The following KL variants were observed in gnomAD, a reference collection of about 807,000 sequenced individuals.
The protein encoded by KL is alpha-klotho.
In KL, 62 loss-of-function variants were observed where a neutral mutation model predicts 84.2. That is an observed-to-expected ratio of 0.74 (90% confidence interval 0.60 to 0.91). The LOEUF is 0.91. KL is among the 40% of genes least tolerant of loss of function. The pLI is 0.00. For synonymous variants in KL, 528 were observed against 528.0 expected (o/e 1.00, Z 0.00); for missense variants, 1,261 against 1,305.7 (o/e 0.97, Z 0.53).
intron 4 of KL, 35 bp from the exon 5 acceptor site, chr13:33,063,814 G>C (rs759027212): frequency 6.4e-7 from 1 of 1,564,242 alleles, no homozygotes; most frequent in East Asian, 2.2e-5. Flanking sequence ...TGCAAAATAC[G>C]TAATAACTAC....
chr13:33,016,722 C>T lies in KL; in HGVS notation c.282C>T (p.Thr94=), dbSNP rs1209347405. ...GTGCGTCCATCTGGGATACGTTCAC[C>T]CACCACCCCCTGGCACCCCCGGGAG... ...GKGASIWDTF[T]HHPLAPPGDS... is the part of the protein sequence containing the mutation. The change falls in exon 1 of 5, where the codon ACC becomes ACT. Residue 94 remains threonine, a synonymous_variant. Transcript: ENST00000380099. The T allele has an allele frequency of 1.9e-6, 3 of 1,610,926 alleles. No individual in the cohort carries two copies. The African/African-American group carries it at 4.0e-5, about 22-fold the overall frequency.
chr13:33,031,250 G>A (rs908182372), intron 1 of KL, among the ~76,000 whole-genome samples: 5 of 152,192 alleles, frequency 3.3e-5, no homozygotes, highest in African/African-American at 1.2e-4. Flanking sequence ...TATAGAAAAA[G>A]TATGGTTTCA....
At chr13:33,058,776 C>G (rs570095703) in intron 3 of KL, among the ~76,000 whole-genome samples, 1 of 152,032 alleles carries the variant, frequency 6.6e-6, no homozygotes, top group East Asian at 1.9e-4. Flanking sequence ...TGAATTTAGT[C>G]AACTCAGAGC....
rs1352661724 is a variant in KL at position 33,063,743 on chromosome 13, C to A, written c.2702-106C>A. ...AGTGAGTCAAGATGGTGCCATTGCA[C>A]TCCAGCCTGTGTGACAGAGCAAGAC... On this transcript the variant is annotated intron_variant, in intron 4 of 4. Coordinates refer to ENST00000380099, the MANE Select transcript of KL (RefSeq NM_004795.4). 4 of 1,026,022 alleles carry A rather than the reference C, an allele frequency of 3.9e-6. No individual in the cohort carries two copies. The East Asian group carries it at 9.5e-5, about 24-fold the overall frequency. The allele number at this position is 1,026,022 out of a possible 1,614,324, so 63.6% of individuals were successfully genotyped here. A position where few individuals can be genotyped will look rare whatever the true frequency, so the allele number is the denominator to read the frequency against.
At chr13:33,031,671 C>G (rs2138201822) in intron 1 of KL, among the ~76,000 whole-genome samples, 2 of 152,096 alleles carry the variant, frequency 1.3e-5, no homozygotes, top group Middle Eastern at 3.4e-3. Context: ...CCTCATTATC[C>G]TAATGAATTA....
intron 1 of KL, among the ~76,000 whole-genome samples, chr13:33,030,019 A>C (rs1043847956): frequency 6.6e-6 from 1 of 151,762 alleles, no homozygotes; most frequent in East Asian, 1.9e-4. Context: ...ATCTGGTGAG[A>C]GACTTCTTGC....
At chr13:33,032,467 T>A (rs866785653) in intron 1 of KL, among the ~76,000 whole-genome samples, 6 of 152,182 alleles carry the variant, frequency 3.9e-5, no homozygotes, top group South Asian at 2.1e-4. Flanking sequence ...GACCAGAGCA[T>A]CTCTGTTGGC....
At chr13:33,045,891 T>C (rs191036884) in intron 1 of KL, among the ~76,000 whole-genome samples, 122 of 152,348 alleles carry the variant, frequency 8.0e-4, no homozygotes, top group South Asian at 2.1e-4. Flanking sequence ...CCTGCGTTAA[T>C]TGAGATAATC....
In KL at chr13:33,016,618, A is replaced by T; in HGVS notation, c.178A>T (p.Thr60Ser). 6.5e-7 allele frequency: 1 copy of T among 1,541,500 alleles called. No individual in the cohort carries two copies. The highest frequency in any genetic ancestry group is 8.7e-7 in the Non-Finnish European group (1 of 1,142,908). The part of the protein sequence containing the change: ...APEAAGLFQG[T>S]FPDGFLWAVG... ...CGAGGCCGCGGGCCTCTTCCAGGGCACCTTCCCCGACGGCTTCCTCTGGGC... is the reference window on the plus strand; with the variant it reads ...CGAGGCCGCGGGCCTCTTCCAGGGCTCCTTCCCCGACGGCTTCCTCTGGGC... The change falls in exon 1 of 5, where the codon ACC becomes TCC. Residue 60 changes from threonine to serine, a missense_variant. Coordinates refer to ENST00000380099, the MANE Select transcript of KL (RefSeq NM_004795.4).
chr13:33,059,956 A>T (rs1478583366), intron 3 of KL, among the ~76,000 whole-genome samples: 2 of 152,068 alleles, frequency 1.3e-5, no homozygotes, highest in Non-Finnish European at 2.9e-5. Flanking sequence ...TACTTAACTC[A>T]CTCAGTTTTT....
At chr13:33,049,761 A>G (rs1203074264) in intron 1 of KL, among the ~76,000 whole-genome samples, 12 of 152,216 alleles carry the variant, frequency 7.9e-5, no homozygotes, top group Admixed American at 7.9e-4. Context: ...AGAGACTTTT[A>G]ATAACCATCA....
At chr13:33,029,790 T>A (rs1042058072) in intron 1 of KL, among the ~76,000 whole-genome samples, 1 of 152,148 alleles carries the variant, frequency 6.6e-6, no homozygotes, top group Non-Finnish European at 1.5e-5. Context: ...CCTGCCGCCA[T>A]GCCTGGCTAA....
At chr13:33,049,991 T>C (rs1871683317) in intron 1 of KL, among the ~76,000 whole-genome samples, 1 of 152,230 alleles carries the variant, frequency 6.6e-6, no homozygotes, top group South Asian at 2.1e-4. Context: ...TGCTATTTTA[T>C]AACCTTTTTC....
upstream of KL, chr13:33,016,381 G>A (rs1467474696): frequency 3.3e-5 from 6 of 180,992 alleles, 1 homozygote; most frequent in Non-Finnish European, 6.2e-5. Flanking sequence ...GGGCGGGCGC[G>A]GCGGGGCGCG....
intron 1 of KL, among the ~76,000 whole-genome samples, chr13:33,052,104 A>G (rs1871775817): frequency 6.6e-6 from 1 of 152,058 alleles, no homozygotes; most frequent in Non-Finnish European, 1.5e-5. Context: ...CTACAGGCAC[A>G]CAGCACCATG....
In KL at chr13:33,061,058, C is replaced by T. The variant is rs759976211; in HGVS notation, c.1979C>T (p.Pro660Leu). The change falls in exon 4 of 5, where the codon CCC becomes CTC. Residue 660 changes from proline to leucine, a missense_variant. By Grantham distance (98) the Pro-to-Leu change is moderately conservative. Transcript: ENST00000380099. ...GCCAGGCAGGGCGCCTGGGAGAACC[C>T]CTACACTGCCCTGGCCTTTGCAGAG... ...LLARQGAWEN[P>L]YTALAFAEYA... The T allele has an allele frequency of 1.2e-6, 2 of 1,612,482 alleles. No homozygotes were observed. The highest frequency in any genetic ancestry group is 2.2e-5 in the East Asian group (1 of 44,828).
chr13:33,018,678 A>G (rs1870460707), intron 1 of KL, among the ~76,000 whole-genome samples: 1 of 152,198 alleles, frequency 6.6e-6, no homozygotes, highest in African/African-American at 2.4e-5. Flanking sequence ...TAGAAAAACT[A>G]TGGGAAGAAT....
chr13:33,029,924 C>T (rs1361117386), intron 1 of KL, among the ~76,000 whole-genome samples: 5 of 144,890 alleles, frequency 3.5e-5, no homozygotes, highest in African/African-American at 5.0e-5. Flanking sequence ...TGAGCCACCG[C>T]GCCTGGCCCT....
chr13:33,021,087 C>T (rs1870559787), intron 1 of KL, among the ~76,000 whole-genome samples: 1 of 152,226 alleles, frequency 6.6e-6, no homozygotes, highest in South Asian at 2.1e-4. Context: ...TTCCCTTCAT[C>T]TGTATCTCTG....
Sources: allele counts gnomAD v4.1 joint callset (sites outside exome capture counted in the v4.1 genomes callset), GRCh38; gene constraint gnomAD v4.1.1; transcripts MANE v1.5; gene names NCBI Gene and HGNC (gene_info 2026-07-23, HGNC 2026-07-21).